The following HAO2 variants were observed in gnomAD, a reference collection of about 807,000 sequenced individuals.
HAO2 encodes 2-Hydroxyacid oxidase 2.
A neutral mutation model predicts 37.4 loss-of-function variants in HAO2; 42 were observed. That is an observed-to-expected ratio of 1.12 (90% confidence interval 0.88 to 1.45). The LOEUF (loss-of-function observed/expected upper bound fraction) is 1.45. Among genes scored for constraint, HAO2 ranks in the 40% most tolerant of loss-of-function variants. The pLI is 0.00. For synonymous variants in HAO2, 180 were observed against 162.8 expected, an observed-to-expected ratio of 1.11 and a Z score of -0.81; for missense variants, 476 against 430.2, an observed-to-expected ratio of 1.11 and a Z score of -0.94.
At position 119,382,939 on chromosome 1, in the gene HAO2, G is replaced by C; in HGVS notation, c.156G>C (p.Leu52=). Residue 52 remains leucine, a synonymous_variant, in exon 3 of 8, where the codon CTG becomes CTC. Coordinates refer to ENST00000325945, the MANE Select transcript of HAO2 (RefSeq NM_016527.4). ...GAATTCGCCTCCGTCCGCGGTACCT[G>C]AGAGATGTGTCTGAGGTGGACACCA... ...FKRIRLRPRY[L]RDVSEVDTRT... 6.2e-7 allele frequency: 1 copy of C among 1,613,612 alleles called. No homozygotes were observed.
At chr1:119,371,200 A>G (rs1019775141) in intron 1 of HAO2, among the ~76,000 whole-genome samples, 8 of 152,208 alleles carry the variant, frequency 5.3e-5, no homozygotes, top group African/African-American at 1.9e-4. Flanking sequence ...GAAACAAGTC[A>G]GAAGGATTCC....
chr1:119,387,267 T>C (rs1650470083), intron 5 of HAO2, among the ~76,000 whole-genome samples: 1 of 152,206 alleles, frequency 6.6e-6, no homozygotes, highest in Non-Finnish European at 1.5e-5. Context: ...TAAAAGTCCA[T>C]AATTTTTTCC....
Position 119,384,678 on chromosome 1 carries a change from T to C in HAO2, c.284-98T>C. The C allele has an allele frequency of 4.4e-6, 4 of 919,400 alleles. No homozygotes were observed. In the Admixed American group the frequency reaches 7.3e-5, roughly 17 times the overall value. The allele number at this position is 919,400 out of a possible 1,614,324, so 57.0% of individuals were successfully genotyped here. On this transcript the variant is annotated intron_variant, in intron 3 of 7. Coordinates refer to ENST00000325945, the MANE Select transcript of HAO2 (RefSeq NM_016527.4). Reference sequence around the variant, plus strand: ...TGAAATTAAGCTTTATCTGCATTCATGGGGCAAGATGGCCAGAGGCTACAC... The same window carrying C: ...TGAAATTAAGCTTTATCTGCATTCACGGGGCAAGATGGCCAGAGGCTACAC...
At chr1:119,388,269 T>G (rs1650550818) in intron 5 of HAO2, among the ~76,000 whole-genome samples, 1 of 152,142 alleles carries the variant, frequency 6.6e-6, no homozygotes, top group Non-Finnish European at 1.5e-5. Flanking sequence ...GAAGAGCCCA[T>G]TACCAACAAG....
intron 4 of HAO2, chr1:119,385,720 T>C: frequency 1.0e-6 from 1 of 985,386 alleles, no homozygotes; most frequent in Non-Finnish European, 1.2e-6. Flanking sequence ...TCCCTGGCTA[T>C]AGTAGAGATA....
chr1:119,379,145 C>T (rs776048492), intron 1 of HAO2, among the ~76,000 whole-genome samples: 1 of 152,258 alleles, frequency 6.6e-6, no homozygotes, highest in Admixed American at 6.5e-5. Flanking sequence ...CCCCCAGCAA[C>T]AAGATGTGAT....
At chr1:119,382,893 A>G in intron 2 of HAO2, 22 bp from the exon 3 acceptor site, 1 of 1,609,664 alleles carries the variant, frequency 6.2e-7, no homozygotes, top group Non-Finnish European at 8.5e-7. Context: ...CCAACAGAAG[A>G]TCTCTTTGTT....
intron 1 of HAO2, among the ~76,000 whole-genome samples, chr1:119,378,092 T>C (rs1420516794): frequency 2.0e-5 from 3 of 152,206 alleles, no homozygotes; most frequent in African/African-American, 7.2e-5. Flanking sequence ...GAAAATTCTC[T>C]TAAATATAGC....
At position 119,393,819 on chromosome 1, in the gene HAO2, G is replaced by T; in HGVS notation, c.1035G>T (p.Leu345Phe). ...CRSVAEINRN[L>F]VQFSRL ...CGGTCGCTGAGATCAATCGAAACTT[G>T]GTCCAGTTTTCCAGGCTGTAAGAAA... Residue 345 changes from leucine to phenylalanine, a missense_variant, in exon 8 of 8, where the codon TTG (leucine) becomes TTT (phenylalanine). Physicochemically the swap from Leu to Phe is conservative, Grantham distance 22. Coordinates refer to ENST00000325945, the MANE Select transcript of HAO2 (RefSeq NM_016527.4). 6.2e-7 allele frequency: 1 copy of T among 1,613,212 alleles called. No individual in the cohort carries two copies. Among genetic ancestry groups the T allele is most frequent in the South Asian group, 1.1e-5 (1 of 91,040 alleles).
In HAO2 at chr1:119,393,852, C is replaced by T. The variant is rs1373592888; in HGVS notation, c.*12C>T. The T allele has an allele frequency of 1.9e-6, 3 of 1,612,270 alleles. No individual in the cohort carries two copies. Among genetic ancestry groups the T allele is most frequent in the East Asian group, 2.2e-5 (1 of 44,852 alleles). On this transcript the variant is annotated 3_prime_UTR_variant, in exon 8 of 8. Transcript: ENST00000325945. ...TTTCCAGGCTGTAAGAAAAAAGGGCCAATAACCAGACTGCTGAGGTTGCCC... is the reference window on the plus strand; with the variant it reads ...TTTCCAGGCTGTAAGAAAAAAGGGCTAATAACCAGACTGCTGAGGTTGCCC...
intron 1 of HAO2, among the ~76,000 whole-genome samples, chr1:119,371,489 T>C (rs188173903): frequency 4.2e-4 from 64 of 152,320 alleles, no homozygotes; most frequent in African/African-American, 1.4e-3. Flanking sequence ...GAAAGCAAAG[T>C]TGCATATGTC....
chr1:119,393,489 A>T (rs1651075413), intron 7 of HAO2, among the ~76,000 whole-genome samples: 1 of 152,158 alleles, frequency 6.6e-6, no homozygotes, highest in Admixed American at 6.6e-5. Context: ...AACCAAGATA[A>T]AGATCAAAGA....
intron 1 of HAO2, among the ~76,000 whole-genome samples, chr1:119,371,845 C>T (rs1383459089): frequency 1.3e-5 from 2 of 152,254 alleles, no homozygotes; most frequent in African/African-American, 4.8e-5. Context: ...CATCATGCTG[C>T]CTCCAGGGCT....
In HAO2 at chr1:119,394,034, C is replaced by T; in HGVS notation, c.*194C>T. ...CCCTGTGTTCCCCAAATGTTCCATG[C>T]CCTTCTTTGTATCACTGACTATTAT... On this transcript the variant is annotated 3_prime_UTR_variant, in exon 8 of 8. Coordinates refer to ENST00000325945, the MANE Select transcript of HAO2 (RefSeq NM_016527.4). 1 of 1,399,496 alleles carries T rather than the reference C, an allele frequency of 7.1e-7. No individual in the cohort carries two copies. Among genetic ancestry groups the T allele is most frequent in the African/African-American group, 1.5e-5 (1 of 68,908 alleles). The allele number at this position is 1,399,496 out of a possible 1,614,324, so 86.7% of individuals were successfully genotyped here. A position where few individuals can be genotyped will look rare whatever the true frequency, so the allele number is the denominator to read the frequency against.
rs1008487286 is a variant in HAO2 at position 119,392,303 on chromosome 1, A to C, written c.930+35A>C. On this transcript the variant is annotated intron_variant, in intron 6 of 7. Coordinates refer to ENST00000325945, the MANE Select transcript of HAO2 (RefSeq NM_016527.4). ...GCAAAGCAAACCAGCAAGAAGATAC[A>C]GAGCTTCTCATTCATTTCTGTGCTT... 2.6e-6 allele frequency: 4 copies of C among 1,513,096 alleles called. No individual in the cohort carries two copies. In the African/African-American group the frequency reaches 5.6e-5, roughly 21 times the overall value. 93.7% of individuals were successfully genotyped at this position (1,513,096 alleles called of 1,614,324 possible).
At chr1:119,383,528 A>C (rs1365141310) in intron 3 of HAO2, among the ~76,000 whole-genome samples, 3 of 152,150 alleles carry the variant, frequency 2.0e-5, no homozygotes, top group African/African-American at 7.2e-5. Context: ...TTGCCCAACT[A>C]TTCCATTTTC....
At chr1:119,383,735 T>C (rs1650155604) in intron 3 of HAO2, among the ~76,000 whole-genome samples, 1 of 151,996 alleles carries the variant, frequency 6.6e-6, no homozygotes, top group South Asian at 2.1e-4. Flanking sequence ...TCTTTCGTAA[T>C]CTTCACTCTA....
intron 1 of HAO2, among the ~76,000 whole-genome samples, chr1:119,370,892 A>G (rs1427613535): frequency 6.6e-6 from 1 of 152,162 alleles, no homozygotes. Context: ...AGTGATTGCC[A>G]CTGTGAGATA....
chr1:119,386,274 C>T (rs771239097), intron 4 of HAO2, among the ~76,000 whole-genome samples: 6 of 152,094 alleles, frequency 3.9e-5, no homozygotes, highest in Non-Finnish European at 8.8e-5. Context: ...TATGTGGTGG[C>T]GCCATCACTA....
Sources: gnomAD v4.1 joint callset for allele counts (sites outside exome capture counted in the v4.1 genomes callset) on GRCh38, gnomAD v4.1.1 for gene constraint, MANE v1.5 for transcripts, NCBI Gene and HGNC (gene_info 2026-07-23, HGNC 2026-07-21) for gene names.